Variants in TTC12 observed in about 807,000 individuals in gnomAD.
TTC12 encodes tetratricopeptide repeat protein 12.
In TTC12, 70 loss-of-function variants were observed where a neutral mutation model predicts 90.1. The ratio of observed to expected loss-of-function variants is 0.78; its 90% CI spans 0.64 to 0.95. The LOEUF is 0.95. TTC12 is among the 40% of genes least tolerant of loss of function. TTC12 has a pLI of 0.00. For missense variants in TTC12, 819 were observed against 846.1 expected (o/e 0.97, Z 0.40); for synonymous variants, 296 against 311.5 (o/e 0.95, Z 0.53).
chr11:113,365,905 TAGAA>T (rs1442346455), intron 21 of TTC12, among the ~76,000 whole-genome samples: 1 of 152,218 alleles, frequency 6.6e-6, no homozygotes, highest in East Asian at 1.9e-4. Flanking sequence ...CTTTCTTCTA[TAGAA>T]AGAAAGCACA....
At chr11:113,356,200 C>T (rs1949624235) in intron 16 of TTC12, among the ~76,000 whole-genome samples, 1 of 152,180 alleles carries the variant, frequency 6.6e-6, no homozygotes, top group South Asian at 2.1e-4. Context: ...GTAATCCCTT[C>T]TTTGTCTTTT....
chr11:113,359,416 G>T lies in TTC12; in HGVS notation c.1500G>T (p.Leu500=), dbSNP rs781900565. ...TCAGAGAGGTTATCTACACACTCCTGGGACTCATGATGAACCTGTGTCTTC... is the reference window on the plus strand; with the variant it reads ...TCAGAGAGGTTATCTACACACTCCTTGGACTCATGATGAACCTGTGTCTTC... ...DLFREVIYTL[L]GLMMNLCLQA... Residue 500 remains leucine, a synonymous_variant, in exon 17 of 22, where the codon CTG becomes CTT. Coordinates refer to ENST00000529221, the MANE Select transcript of TTC12 (RefSeq NM_017868.4). 1.9e-6 allele frequency: 3 copies of T among 1,613,586 alleles called. No individual in the cohort carries two copies. In the East Asian group the frequency reaches 6.7e-5, roughly 36 times the overall value.
chr11:113,328,271 G>T (rs1947815254), intron 6 of TTC12, among the ~76,000 whole-genome samples: 2 of 152,188 alleles, frequency 1.3e-5, no homozygotes, highest in Non-Finnish European at 2.9e-5. Context: ...AGTGCAATTT[G>T]ATAAGACTTT....
intron 13 of TTC12, among the ~76,000 whole-genome samples, chr11:113,345,385 A>G (rs191629194): frequency 1.6e-4 from 25 of 152,276 alleles, no homozygotes; most frequent in Non-Finnish European, 4.4e-5. Flanking sequence ...CAAGGAACCA[A>G]GGGAATCTCA....
At chr11:113,335,273 T>C (rs943566851) in intron 8 of TTC12, among the ~76,000 whole-genome samples, 1 of 152,182 alleles carries the variant, frequency 6.6e-6, no homozygotes, top group Admixed American at 6.5e-5. Context: ...GTTCAGTCTG[T>C]GGAGAGAAAA....
At chr11:113,370,542 T>C (rs897486669), downstream of TTC12, among the ~76,000 whole-genome samples, 2 of 152,210 alleles carry the variant, frequency 1.3e-5, no homozygotes, top group Admixed American at 1.3e-4. Context: ...TAATTTGATC[T>C]CAATTTCAAA....
intron 18 of TTC12, among the ~76,000 whole-genome samples, chr11:113,360,415 A>G (rs1949860774): frequency 6.6e-6 from 1 of 152,192 alleles, no homozygotes; most frequent in Non-Finnish European, 1.5e-5. Context: ...ATAAGAAAAA[A>G]AAAAAGCCAA....
At chr11:113,357,834 G>A (rs1179202602) in intron 16 of TTC12, among the ~76,000 whole-genome samples, 3 of 152,158 alleles carry the variant, frequency 2.0e-5, no homozygotes, top group Non-Finnish European at 4.4e-5. Context: ...CGAACCTCTG[G>A]TCACTACACT....
chr11:113,349,637 A>G (rs1401897593), intron 13 of TTC12, among the ~76,000 whole-genome samples: 1 of 152,196 alleles, frequency 6.6e-6, no homozygotes, highest in Non-Finnish European at 1.5e-5. Flanking sequence ...AATCTAATAT[A>G]TTCAGCAGCC....
At chr11:113,364,265 G>A in intron 20 of TTC12, 1 of 258,294 alleles carries the variant, frequency 3.9e-6, no homozygotes, top group Non-Finnish European at 7.5e-6. Flanking sequence ...GTGAACAAGG[G>A]AAATATCAGA....
At chr11:113,316,364 T>G (rs1555135622) in intron 2 of TTC12, 49 bp downstream of exon 2, 1 of 961,520 alleles carries the variant, frequency 1.0e-6, no homozygotes, top group South Asian at 2.9e-5. Context: ...AGAAGTGGAG[T>G]AGATAAATGA....
At chr11:113,360,159 A>G (rs1225926640) in intron 18 of TTC12, 151 bp downstream of exon 18, 1 of 609,120 alleles carries the variant, frequency 1.6e-6, no homozygotes, top group South Asian at 2.1e-5. Flanking sequence ...ACTATTCAGA[A>G]TAATGTACAC....
chr11:113,368,500 T>TG, downstream of TTC12: 1 of 1,550,216 alleles, frequency 6.5e-7, no homozygotes. Flanking sequence ...GCAGAGGAGC[T>TG]GGGATTTTCC....
At chr11:113,317,520 C>T (rs2137902566) in intron 2 of TTC12, among the ~76,000 whole-genome samples, 1 of 152,282 alleles carries the variant, frequency 6.6e-6, no homozygotes, top group South Asian at 2.1e-4. Flanking sequence ...ATGTCAACAA[C>T]CCCCTGATTG....
At chr11:113,373,006 A>G (rs927216360) in intron 21 of TTC12, 3 of 162,558 alleles carry the variant, frequency 1.8e-5, no homozygotes, top group African/African-American at 7.2e-5. Flanking sequence ...CTCTCTTCCA[A>G]TCTTACACAT....
Position 113,323,363 on chromosome 11 carries a change from T to G in TTC12, c.134T>G (p.Leu45Arg), listed in dbSNP as rs782119393. ...GCTGTCCTGGAGACAGAAAAGAGAC[T>G]ACTGCTTATGGAGGAAGACCAGGAG... ...QKAVLETEKR[L>R]LLMEEDQEED... The change falls in exon 3 of 22, where the codon CTA becomes CGA. Residue 45 changes from leucine (L) to arginine (R), a missense_variant. Leu to Arg is a moderately radical substitution (Grantham distance 102). Coordinates refer to ENST00000529221, the MANE Select transcript of TTC12 (RefSeq NM_017868.4). The G allele has an allele frequency of 2.2e-5, 35 of 1,613,440 alleles. No homozygotes were observed. The highest frequency in any genetic ancestry group is 2.8e-5 in the Non-Finnish European group (33 of 1,179,786).
chr11:113,328,201 G>A (rs533451651), intron 6 of TTC12, among the ~76,000 whole-genome samples: 18 of 152,312 alleles, frequency 1.2e-4, no homozygotes, highest in African/African-American at 3.8e-4. Flanking sequence ...TCGTACAAAT[G>A]GGATGATCGA....
rs1216623009 is a variant in TTC12 at position 113,359,831 on chromosome 11, G to T, written c.1546-109G>T. 6 of 784,506 alleles carry T rather than the reference G, an allele frequency of 7.6e-6. No homozygotes were observed. The Admixed American group carries it at 1.2e-4, about 16-fold the overall frequency. The allele number at this position is 784,506 out of a possible 1,614,324, so 48.6% of individuals were successfully genotyped here. A position where few individuals can be genotyped will look rare whatever the true frequency, so the allele number is the denominator to read the frequency against. On this transcript the variant is annotated intron_variant, in intron 17 of 21. Coordinates refer to ENST00000529221, the MANE Select transcript of TTC12 (RefSeq NM_017868.4). ...AAGATGGTGTTGTGAGGGAACCTGG[G>T]CATAGTGTGGTGGTGCTAAAAAGGA...
intron 10 of TTC12, among the ~76,000 whole-genome samples, chr11:113,340,022 A>C (rs1300149841): frequency 6.6e-6 from 1 of 152,204 alleles, no homozygotes; most frequent in Non-Finnish European, 1.5e-5. Flanking sequence ...TTAAACTGTA[A>C]GGTTCACCCA....
Sources: allele counts gnomAD v4.1 joint callset (sites outside exome capture counted in the v4.1 genomes callset), GRCh38; gene constraint gnomAD v4.1.1; transcripts MANE v1.5; gene names NCBI Gene and HGNC (gene_info 2026-07-23, HGNC 2026-07-21).